Variants in DYM observed in about 807,000 individuals in gnomAD.
DYM encodes the protein dyggve-Melchior-Clausen syndrome protein.
In DYM, 78 loss-of-function variants were observed where a neutral mutation model predicts 93.1. That is an observed-to-expected ratio of 0.84 (90% CI 0.70 to 1.01). The LOEUF is 1.01. Among genes scored for constraint, DYM ranks in the 50% least tolerant of loss-of-function variants. The probability of loss-of-function intolerance (pLI) is 0.00; values close to 1 mark genes in which losing one functional copy is unlikely to be tolerated. For missense variants in DYM, 789 were observed against 845.0 expected (o/e 0.93, Z 0.82); for synonymous variants, 321 against 319.7 (o/e 1.00, Z -0.04).
chr18:49,260,733 G>C (rs2094476562), intron 11 of DYM, among the ~76,000 whole-genome samples: 3 of 152,020 alleles, frequency 2.0e-5, no homozygotes, highest in Middle Eastern at 3.2e-3. Flanking sequence ...AAGGACAGCA[G>C]AACAATGTCT....
At chr18:49,164,368 G>A (rs1178185572) in intron 14 of DYM, among the ~76,000 whole-genome samples, 1 of 152,074 alleles carries the variant, frequency 6.6e-6, no homozygotes, top group Non-Finnish European at 1.5e-5. Flanking sequence ...ACTGTTTTCA[G>A]ATGTAACACA....
chr18:49,118,973 T>C, intron 15 of DYM, 47 bp from the exon 16 acceptor site: 1 of 1,511,528 alleles, frequency 6.6e-7, no homozygotes, highest in South Asian at 1.1e-5. Flanking sequence ...TTTTCCTCCT[T>C]GCAACAGAAT....
At chr18:49,447,337 C>G (rs1027154797) in intron 1 of DYM, 1 of 152,256 alleles carries the variant, frequency 6.6e-6, no homozygotes, top group Non-Finnish European at 1.5e-5. Flanking sequence ...GTCTATTAAG[C>G]TTTCCACTCC....
At chr18:49,153,772 G>A (rs1247850513) in intron 15 of DYM, among the ~76,000 whole-genome samples, 1 of 152,100 alleles carries the variant, frequency 6.6e-6, no homozygotes, top group African/African-American at 2.4e-5. Flanking sequence ...GAGAAAAAAA[G>A]AAAATCACTA....
Position 49,063,712 on chromosome 18 carries a change from C to T in DYM, c.2026-19508G>A, listed in dbSNP as rs552664422. Among the ~76,000 whole-genome samples, 38 of 150,390 alleles carry T rather than the reference C, an allele frequency of 2.5e-4. No homozygotes were observed. The South Asian group carries it at 3.4e-3, about 13-fold the overall frequency. On this transcript the variant is annotated intron_variant, in intron 17 of 17. Coordinates refer to ENST00000675505, the MANE Select transcript of DYM (RefSeq NM_001353214.3). Reference sequence around the variant, plus strand: ...TGCCATCTTGGCTCACTGCAGCCTCCGCTTCCTGGGTTGAAGCGATTCTCC... The same window carrying T: ...TGCCATCTTGGCTCACTGCAGCCTCTGCTTCCTGGGTTGAAGCGATTCTCC...
chr18:49,106,281 T>C (rs569281876), intron 16 of DYM, among the ~76,000 whole-genome samples: 269 of 152,330 alleles, frequency 1.8e-3, no homozygotes, highest in African/African-American at 5.9e-3. Context: ...CATCCCTTTA[T>C]TCTGAGCCTA....
At chr18:49,453,782 C>G (rs1175764520) in intron 1 of DYM, among the ~76,000 whole-genome samples, 1 of 152,114 alleles carries the variant, frequency 6.6e-6, no homozygotes, top group Non-Finnish European at 1.5e-5. Context: ...GCTAGAACTT[C>G]TTATTGGGTT....
chr18:49,258,531 G>T, intron 11 of DYM, 38 bp from the exon 12 acceptor site: 5 of 1,267,242 alleles, frequency 3.9e-6, no homozygotes, highest in Non-Finnish European at 4.6e-6. Context: ...AAAAATGATT[G>T]CTTTACAGAC....
chr18:49,056,757 C>T (rs1439840563), intron 17 of DYM, among the ~76,000 whole-genome samples: 1 of 151,932 alleles, frequency 6.6e-6, no homozygotes, highest in Non-Finnish European at 1.5e-5. Flanking sequence ...CCATGTTAGC[C>T]AGGATGGTCT....
In DYM at chr18:49,200,759, T is replaced by C. The variant is rs999127535; in HGVS notation, c.1625+8792A>G. Among the ~76,000 whole-genome samples the C allele has an allele frequency of 5.3e-5, 8 of 152,272 alleles. No homozygotes were observed. In the South Asian group the frequency reaches 1.7e-3, roughly 32 times the overall value. ...TTTTTTAATTGACAAAAATTATATA[T>C]ATTTATGATGTAAATGATGTTTTGA... On this transcript the variant is annotated intron_variant, in intron 14 of 17. Transcript: ENST00000675505.
At chr18:49,355,788 T>C (rs2147239877) in intron 6 of DYM, among the ~76,000 whole-genome samples, 1 of 152,216 alleles carries the variant, frequency 6.6e-6, no homozygotes, top group African/African-American at 2.4e-5. Flanking sequence ...AAAATTACTC[T>C]CAAAACTAAA....
chr18:49,236,698 A>G (rs2093877132), intron 13 of DYM, among the ~76,000 whole-genome samples: 1 of 152,220 alleles, frequency 6.6e-6, no homozygotes, highest in Admixed American at 6.5e-5. Flanking sequence ...TCTTTTAAAA[A>G]TAACAACGTA....
At chr18:49,287,045 G>A (rs991554788) in intron 8 of DYM, among the ~76,000 whole-genome samples, 2 of 152,004 alleles carry the variant, frequency 1.3e-5, no homozygotes, top group Non-Finnish European at 2.9e-5. Context: ...ATAAAAAATA[G>A]CCAGGTGTGA....
chr18:49,093,576 C>T (rs1181585409), intron 17 of DYM, among the ~76,000 whole-genome samples: 1 of 151,958 alleles, frequency 6.6e-6, no homozygotes, highest in African/African-American at 2.4e-5. Context: ...ATGAGAATTT[C>T]TAGGGTTTGG....
chr18:49,071,633 A>T (rs2076896466), intron 17 of DYM, among the ~76,000 whole-genome samples: 1 of 152,234 alleles, frequency 6.6e-6, no homozygotes, highest in Admixed American at 6.5e-5. Context: ...ACAACAGTCA[A>T]GGGTAACAGG....
At chr18:49,348,840 T>C (rs866575617) in intron 6 of DYM, among the ~76,000 whole-genome samples, 76 of 123,956 alleles carry the variant, frequency 6.1e-4, no homozygotes, top group African/African-American at 1.9e-3. Context: ...ACCCGGGAGG[T>C]GGAGATTGCA....
intron 1 of DYM, among the ~76,000 whole-genome samples, chr18:49,458,805 C>CTCCA (rs2083226380): frequency 2.6e-5 from 4 of 152,194 alleles, no homozygotes; most frequent in Admixed American, 2.6e-4. Context: ...CGCCACTGTA[C>CTCCA]TCCAGCCTGA....
At chr18:49,409,223 G>A (rs1402849837) in intron 2 of DYM, among the ~76,000 whole-genome samples, 1 of 149,780 alleles carries the variant, frequency 6.7e-6, no homozygotes, top group African/African-American at 2.5e-5. Context: ...GGTGGAGGTT[G>A]CAGTGAGCCG....
chr18:49,123,707 T>C (rs1389396887), intron 15 of DYM, among the ~76,000 whole-genome samples: 1 of 152,230 alleles, frequency 6.6e-6, no homozygotes, highest in Non-Finnish European at 1.5e-5. Flanking sequence ...GATTCATCTA[T>C]TATTGTTATG....
Sources: allele counts gnomAD v4.1 joint callset (sites outside exome capture counted in the v4.1 genomes callset), GRCh38; gene constraint gnomAD v4.1.1; transcripts MANE v1.5; gene names NCBI Gene and HGNC (gene_info 2026-07-23, HGNC 2026-07-21).